PRKCA: variants seen among roughly 807,000 people sequenced by gnomAD.
PRKCA encodes protein kinase C alpha type.
Under a neutral mutation model 87.0 loss-of-function variants are expected in PRKCA, and 27 were observed. The ratio of observed to expected loss-of-function variants is 0.31; its 90% CI spans 0.23 to 0.43. The LOEUF (loss-of-function observed/expected upper bound fraction) is 0.43, where lower values mean the gene tolerates loss of function less well. Ranked by LOEUF, PRKCA falls within the 20% of genes least tolerant of loss-of-function variation. The probability of loss-of-function intolerance (pLI) is 1.00; values close to 1 mark genes in which losing one functional copy is unlikely to be tolerated. For synonymous variants in PRKCA, 329 were observed against 311.1 expected (o/e 1.06, Z -0.61); for missense variants, 518 against 852.3 (o/e 0.61, Z 4.88).
rs189120664 is a variant in PRKCA, at chr17:66,546,054, G to A, written c.288+49771G>A. The stretch of plus-strand genomic sequence containing the variant: ...ATATCTGTGTCTTTAAGTCTAAAAC[G>A]AGTTTCATATAGACAGTATCAGTAT... On this transcript the variant is annotated intron_variant, in intron 3 of 16. Coordinates refer to ENST00000413366, the MANE Select transcript of PRKCA (RefSeq NM_002737.3). 2.2e-4 allele frequency among the ~76,000 whole-genome samples: 34 copies of A among 152,212 alleles called. No homozygotes were observed. The East Asian group carries it at 4.2e-3, about 19-fold the overall frequency.
At chr17:66,401,358 T>C (rs1333188682) in intron 2 of PRKCA, among the ~76,000 whole-genome samples, 1 of 152,170 alleles carries the variant, frequency 6.6e-6, no homozygotes, top group Non-Finnish European at 1.5e-5. Flanking sequence ...TGCCTGCGGC[T>C]GGACCCACTT....
chr17:66,501,132 G>A (rs74983671), intron 3 of PRKCA, among the ~76,000 whole-genome samples: 3 of 152,158 alleles, frequency 2.0e-5, no homozygotes, highest in Non-Finnish European at 4.4e-5. Flanking sequence ...CAAGATGAAA[G>A]GATGGGAAAA....
At chr17:66,595,908 A>G (rs769975438) in intron 3 of PRKCA, among the ~76,000 whole-genome samples, 2 of 152,178 alleles carry the variant, frequency 1.3e-5, no homozygotes, top group African/African-American at 4.8e-5. Context: ...TGTTGTGTTG[A>G]CTGCAAAGGC....
Position 66,741,692 on chromosome 17 carries a change from C to G in PRKCA, c.1356C>G (p.Phe452Leu), listed in dbSNP as rs772638644. The G allele has an allele frequency of 5.0e-6, 8 of 1,614,132 alleles. No homozygotes were observed. The highest frequency in any genetic ancestry group is 6.8e-6 in the Non-Finnish European group (8 of 1,180,018). ...CGGCAGAGATTTCCATCGGATTGTT[C>G]TTTCTTCATAAAAGAGGAATCATTT... ...FYAAEISIGL[F>L]FLHKRGIIYR... The change falls in exon 12 of 17, where the codon TTC becomes TTG. Residue 452 changes from phenylalanine to leucine, a missense_variant. By Grantham distance (22) the Phe-to-Leu change is conservative. This residue lies in a region of PRKCA where 300 missense variants were observed against 496.8 expected (regional missense o/e 0.60). Transcript: ENST00000413366.
chr17:66,423,881 T>A (rs1912633509), intron 2 of PRKCA, among the ~76,000 whole-genome samples: 1 of 147,470 alleles, frequency 6.8e-6, no homozygotes, highest in South Asian at 2.1e-4. Flanking sequence ...GTGGCTCCAT[T>A]CCACCGTGAA....
rs75290212 is a variant in PRKCA, at chr17:66,740,392, G to T, written c.1323-1267G>T. Among the ~76,000 whole-genome samples the T allele has an allele frequency of 2.0e-3, 304 of 152,230 alleles. 3 individuals are homozygous for T. In the East Asian group the frequency reaches 0.028, roughly 14 times the overall value. ...CTAAACAAAGGGCGAGTTTAGTTCC[G>T]CAGTGAGGAAACCTCGGGGGCATGT... On this transcript the variant is annotated intron_variant, in intron 11 of 16. Transcript: ENST00000413366.
intron 3 of PRKCA, among the ~76,000 whole-genome samples, chr17:66,555,057 T>A (rs181472910): frequency 6.6e-6 from 1 of 152,172 alleles, no homozygotes; most frequent in East Asian, 1.9e-4. Context: ...TTTTGTATTT[T>A]AGTAGAGATG....
chr17:66,496,187 T>G lies in PRKCA; in HGVS notation c.206-14T>G, dbSNP rs749844141. On this transcript the variant is annotated splice_polypyrimidine_tract_variant and intron_variant, in intron 2 of 16. Transcript: ENST00000413366. ...CATGTCTATTCTAATTTTAGTTTCC[T>G]TTTTCTCTACCAGTTTGCTGTTTTG... 6.2e-7 allele frequency: 1 copy of G among 1,605,578 alleles called. No individual in the cohort carries two copies. Among genetic ancestry groups the G allele is most frequent in the Non-Finnish European group, 8.5e-7 (1 of 1,173,098 alleles).
chr17:66,718,236 C>T (rs1004165776), intron 8 of PRKCA, among the ~76,000 whole-genome samples: 2 of 152,202 alleles, frequency 1.3e-5, no homozygotes, highest in Non-Finnish European at 2.9e-5. Flanking sequence ...GGCTCACTTT[C>T]TGATTCACAG....
chr17:66,596,571 C>CTTTTTTTTT (rs10582567), intron 3 of PRKCA, among the ~76,000 whole-genome samples: 15 of 113,860 alleles, frequency 1.3e-4, no homozygotes, highest in African/African-American at 2.9e-4. Flanking sequence ...AATATTAAAC[C>CTTTTTTTTT]TTTTTTTTTT....
intron 3 of PRKCA, among the ~76,000 whole-genome samples, chr17:66,607,085 T>G (rs1010765967): frequency 1.3e-5 from 2 of 152,238 alleles, no homozygotes; most frequent in Admixed American, 6.5e-5. Flanking sequence ...TAAATAGACC[T>G]TATATTTCTA....
chr17:66,470,475 G>A (rs1004570739), intron 2 of PRKCA, among the ~76,000 whole-genome samples: 7 of 151,808 alleles, frequency 4.6e-5, no homozygotes, highest in African/African-American at 7.3e-5. Flanking sequence ...TGATCCACCC[G>A]CCTCGGCCTC....
At chr17:66,764,301 G>A (rs1974750749) in intron 13 of PRKCA, among the ~76,000 whole-genome samples, 1 of 152,200 alleles carries the variant, frequency 6.6e-6, no homozygotes, top group Admixed American at 6.5e-5. Flanking sequence ...GCTCTCCCAG[G>A]CTGGAGATTT....
chr17:66,774,951 G>C (rs1299402094), intron 14 of PRKCA: 1 of 985,162 alleles, frequency 1.0e-6, no homozygotes, highest in East Asian at 1.1e-4. Context: ...GTGCCTTATT[G>C]CCTAACATGG....
At chr17:66,343,547 G>C (rs1476115227) in intron 2 of PRKCA, among the ~76,000 whole-genome samples, 2 of 152,194 alleles carry the variant, frequency 1.3e-5, no homozygotes, top group African/African-American at 4.8e-5. Context: ...GCTGTGCAGA[G>C]ACCGGATTGG....
intron 1 of PRKCA, among the ~76,000 whole-genome samples, chr17:66,304,296 C>T (rs1239930184): frequency 1.3e-5 from 2 of 152,172 alleles, no homozygotes; most frequent in African/African-American, 4.8e-5. Flanking sequence ...GTGTGTGACC[C>T]TTCTTCCCAG....
At chr17:66,608,619 G>A (rs1970272866) in intron 3 of PRKCA, among the ~76,000 whole-genome samples, 1 of 152,132 alleles carries the variant, frequency 6.6e-6, no homozygotes, top group Admixed American at 6.5e-5. Flanking sequence ...TTCCAAACCT[G>A]ACTCTTTAGG....
intron 8 of PRKCA, among the ~76,000 whole-genome samples, chr17:66,716,194 A>G (rs1973468888): frequency 6.6e-6 from 1 of 151,356 alleles, no homozygotes; most frequent in Non-Finnish European, 1.5e-5. Context: ...CTTCGAAGCC[A>G]TGTTGCTGAC....
intron 3 of PRKCA, among the ~76,000 whole-genome samples, chr17:66,613,779 CTTTTTTTT>C (rs57610655): frequency 4.3e-5 from 3 of 69,414 alleles, no homozygotes; most frequent in African/African-American, 6.1e-5. Flanking sequence ...TGACTTCATC[CTTTTTTTT>C]TTTTTTTTTT....
Sources: allele counts gnomAD v4.1 joint callset (sites outside exome capture counted in the v4.1 genomes callset), GRCh38; gene constraint gnomAD v4.1.1; regional missense constraint gnomAD v4.1.1; transcripts MANE v1.5; gene names NCBI Gene and HGNC (gene_info 2026-07-23, HGNC 2026-07-21).